MAST4: variants seen among roughly 807,000 people sequenced by gnomAD.
The protein encoded by MAST4 is microtubule-associated serine/threonine-protein kinase 4.
In MAST4, 89 loss-of-function variants were observed where a neutral mutation model predicts 162.7. That is an observed-to-expected ratio of 0.55 (90% CI 0.46 to 0.65). The LOEUF is 0.65. Among genes scored for constraint, MAST4 ranks in the 30% least tolerant of loss-of-function variants. The pLI, the probability that MAST4 is intolerant of heterozygous loss-of-function variation, is 0.00. For missense variants in MAST4, 3,153 were observed against 3,374.0 expected (o/e 0.93, Z 1.62); for synonymous variants, 1,479 against 1,361.1 (o/e 1.09, Z -1.91).
At chr5:67,159,795 T>C (rs1160376447) in intron 26 of MAST4, among the ~76,000 whole-genome samples, 1 of 152,196 alleles carries the variant, frequency 6.6e-6, no homozygotes, top group Non-Finnish European at 1.5e-5. Flanking sequence ...GAAATTACCT[T>C]ACCCTGTATG....
chr5:66,659,001 G>A (rs779485687), intron 1 of MAST4, among the ~76,000 whole-genome samples: 2 of 152,114 alleles, frequency 1.3e-5, no homozygotes, highest in Non-Finnish European at 2.9e-5. Context: ...CAGCCTGAGC[G>A]ACAGAGCAAG....
intron 3 of MAST4, among the ~76,000 whole-genome samples, chr5:66,850,557 G>A (rs145264839): frequency 1.8e-3 from 268 of 152,204 alleles, no homozygotes; most frequent in Non-Finnish European, 3.1e-3. Flanking sequence ...ACCTGATCTC[G>A]TGTGTGGATT....
At chr5:66,743,714 C>A (rs375334960) in intron 1 of MAST4, among the ~76,000 whole-genome samples, 1 of 152,282 alleles carries the variant, frequency 6.6e-6, no homozygotes, top group East Asian at 1.9e-4. Flanking sequence ...AGGGCAGAAA[C>A]CCAGTCAGAT....
chr5:66,932,737 A>G (rs538061245), intron 4 of MAST4, among the ~76,000 whole-genome samples: 77 of 152,316 alleles, frequency 5.1e-4, no homozygotes, highest in African/African-American at 1.8e-3. Flanking sequence ...AATCTTTGAC[A>G]TCTACTTAAG....
At chr5:67,006,102 A>G (rs1752000789) in intron 4 of MAST4, among the ~76,000 whole-genome samples, 1 of 152,140 alleles carries the variant, frequency 6.6e-6, no homozygotes, top group African/African-American at 2.4e-5. Context: ...TTCCTTTTGA[A>G]GTTTTTCATG....
chr5:67,068,148 C>T (rs1581422118), intron 5 of MAST4, among the ~76,000 whole-genome samples: 1 of 152,122 alleles, frequency 6.6e-6, no homozygotes, highest in Non-Finnish European at 1.5e-5. Context: ...CCAGAGTGAG[C>T]CTTGATTCAC....
chr5:66,906,707 T>C (rs1763377137), intron 4 of MAST4, among the ~76,000 whole-genome samples: 2 of 152,338 alleles, frequency 1.3e-5, no homozygotes, highest in South Asian at 4.1e-4. Context: ...GGGATGCTTC[T>C]GGTGAAGTGG....
intron 5 of MAST4, among the ~76,000 whole-genome samples, chr5:67,065,227 T>A (rs1760086885): frequency 6.6e-6 from 1 of 152,172 alleles, no homozygotes; most frequent in South Asian, 2.1e-4. Flanking sequence ...AAAAGGTACA[T>A]TTAAAATTCT....
chr5:66,820,343 T>C (rs1410537089), intron 3 of MAST4, among the ~76,000 whole-genome samples: 1 of 152,244 alleles, frequency 6.6e-6, no homozygotes. Flanking sequence ...TCAGTAAATA[T>C]ACATGTTAAC....
chr5:66,783,727 G>A (rs1224389469), intron 2 of MAST4, among the ~76,000 whole-genome samples: 1 of 151,996 alleles, frequency 6.6e-6, no homozygotes, highest in Non-Finnish European at 1.5e-5. Context: ...TTCAGAGAAG[G>A]ATGAGATGGC....
intron 4 of MAST4, among the ~76,000 whole-genome samples, chr5:67,038,708 C>CA (rs1756342139): frequency 6.6e-6 from 1 of 151,970 alleles, no homozygotes; most frequent in Non-Finnish European, 1.5e-5. Context: ...CATTTAGATA[C>CA]AAAAATAGGT....
chr5:66,924,543 G>GCCACCGCGTCCA (rs1419456382), intron 4 of MAST4, among the ~76,000 whole-genome samples: 2 of 151,754 alleles, frequency 1.3e-5, no homozygotes, highest in African/African-American at 2.4e-5. Flanking sequence ...ATAGGCGTCC[G>GCCACCGCGTCCA]CCACCGCGTC....
intron 1 of MAST4, among the ~76,000 whole-genome samples, chr5:66,616,428 A>G (rs920835013): frequency 5.9e-5 from 9 of 152,214 alleles, no homozygotes; most frequent in Admixed American, 5.2e-4. Context: ...CTAGCTGGCC[A>G]GTTGTCACCC....
chr5:66,617,514 G>A (rs149081474), intron 1 of MAST4, among the ~76,000 whole-genome samples: 17 of 151,656 alleles, frequency 1.1e-4, no homozygotes, highest in Admixed American at 7.2e-4. Flanking sequence ...ATGAATGGAC[G>A]TATCAATTTA....
chr5:66,804,543 C>T (rs1756086185), intron 3 of MAST4, among the ~76,000 whole-genome samples: 1 of 152,236 alleles, frequency 6.6e-6, no homozygotes, highest in Non-Finnish European at 1.5e-5. Context: ...AGACTTGGAA[C>T]TGCCACAGTG....
intron 4 of MAST4, among the ~76,000 whole-genome samples, chr5:67,038,573 G>A (rs370140779): frequency 1.3e-5 from 2 of 152,116 alleles, no homozygotes; most frequent in African/African-American, 2.4e-5. Flanking sequence ...GGAGTGGAGT[G>A]GAAGTTAACT....
intron 1 of MAST4, among the ~76,000 whole-genome samples, chr5:66,602,369 A>G (rs1393139089): frequency 6.6e-6 from 1 of 152,172 alleles, no homozygotes; most frequent in Admixed American, 6.5e-5. Context: ...CTACCAAAGA[A>G]CGAAGGCTTT....
intron 2 of MAST4, among the ~76,000 whole-genome samples, chr5:66,779,617 G>A (rs1390741100): frequency 6.6e-6 from 1 of 152,248 alleles, no homozygotes; most frequent in South Asian, 2.1e-4. Flanking sequence ...AGTGGAAGAT[G>A]AAAGAAACCA....
At chr5:67,159,845 G>A (rs1211799039) in intron 26 of MAST4, among the ~76,000 whole-genome samples, 1 of 152,152 alleles carries the variant, frequency 6.6e-6, no homozygotes, top group Non-Finnish European at 1.5e-5. Context: ...TGGCATAAAT[G>A]TTCCAGCTCT....
Sources: allele counts gnomAD v4.1 joint callset (sites outside exome capture counted in the v4.1 genomes callset), GRCh38; gene constraint gnomAD v4.1.1; transcripts MANE v1.5; gene names NCBI Gene and HGNC (gene_info 2026-07-23, HGNC 2026-07-21).